The following MACROD2 variants were observed in gnomAD, a reference collection of about 807,000 sequenced individuals.
MACROD2 encodes the protein mono-ADP ribosylhydrolase 2, also known as ADP-ribose glycohydrolase MACROD2.
MACROD2 carries 36 observed loss-of-function variants against 70.4 expected under a neutral mutation model. The observed-to-expected ratio is 0.51, with a 90% confidence interval of 0.39 to 0.68. The LOEUF (loss-of-function observed/expected upper bound fraction) is 0.68. MACROD2 is among the 30% of genes least tolerant of loss of function. The probability of loss-of-function intolerance (pLI) is 0.00; values close to 1 mark genes in which losing one functional copy is unlikely to be tolerated. For synonymous variants in MACROD2, 172 were observed against 178.8 expected (o/e 0.96, Z 0.30); for missense variants, 496 against 538.4 (o/e 0.92, Z 0.78).
intron 5 of MACROD2, among the ~76,000 whole-genome samples, chr20:14,739,393 T>C (rs1472341755): frequency 6.6e-6 from 1 of 151,970 alleles, no homozygotes; most frequent in Non-Finnish European, 1.5e-5. Context: ...TTCACCTATA[T>C]ACTGAAAGGT....
chr20:15,938,781 GC>G (rs1162975434), intron 12 of MACROD2, among the ~76,000 whole-genome samples: 1 of 152,164 alleles, frequency 6.6e-6, no homozygotes, highest in Non-Finnish European at 1.5e-5. Flanking sequence ...TCTGAGATAG[GC>G]TGAAATCTAG....
chr20:15,723,487 T>G (rs2050818031), intron 8 of MACROD2, among the ~76,000 whole-genome samples: 1 of 152,210 alleles, frequency 6.6e-6, no homozygotes, highest in Non-Finnish European at 1.5e-5. Context: ...ATCTTTATAC[T>G]GTCCCCATAG....
chr20:14,259,815 T>C (rs1213724625), intron 3 of MACROD2, among the ~76,000 whole-genome samples: 7 of 152,196 alleles, frequency 4.6e-5, no homozygotes, highest in Non-Finnish European at 1.0e-4. Flanking sequence ...TGTAGAGAAG[T>C]AGTAGCCTCT....
intron 3 of MACROD2, among the ~76,000 whole-genome samples, chr20:14,209,972 G>A (rs2081557291): frequency 6.6e-6 from 1 of 152,004 alleles, no homozygotes; most frequent in Non-Finnish European, 1.5e-5. Context: ...CAAGTTTACT[G>A]TATTTTGAAA....
chr20:14,653,587 C>T (rs1201537137), intron 4 of MACROD2, among the ~76,000 whole-genome samples: 1 of 151,438 alleles, frequency 6.6e-6, no homozygotes, highest in Non-Finnish European at 1.5e-5. Flanking sequence ...CACTCCTTGC[C>T]TCAAGTGATT....
Position 15,610,414 on chromosome 20 carries a change from G to A in MACROD2, c.645+110567G>A, listed in dbSNP as rs1407089801. Among the ~76,000 whole-genome samples the A allele has an allele frequency of 5.3e-5, 8 of 152,110 alleles. No individual in the cohort carries two copies. In the East Asian group the frequency reaches 7.7e-4, roughly 15 times the overall value. ...TCTCTTCTAGCTTCTGATGGCCGTC[G>A]GCAACCCTAGGTGTTCCTGGACTTG... is the stretch of plus-strand genomic sequence containing the variant. On this transcript the variant is annotated intron_variant, in intron 8 of 17. Transcript: ENST00000684519.
intron 5 of MACROD2, among the ~76,000 whole-genome samples, chr20:14,993,128 T>C (rs1449617859): frequency 1.3e-5 from 2 of 152,122 alleles, no homozygotes; most frequent in Non-Finnish European, 2.9e-5. Context: ...TAATTGAAGG[T>C]AATTTTTTGG....
chr20:14,079,536 A>G (rs2053961850), intron 2 of MACROD2, among the ~76,000 whole-genome samples: 1 of 152,176 alleles, frequency 6.6e-6, no homozygotes, highest in Non-Finnish European at 1.5e-5. Flanking sequence ...TGCTTTTGTA[A>G]AAAGAGATGA....
chr20:14,419,724 A>C (rs1328925337), intron 3 of MACROD2, among the ~76,000 whole-genome samples: 1 of 152,220 alleles, frequency 6.6e-6, no homozygotes, highest in East Asian at 1.9e-4. Context: ...CAGGATCTAA[A>C]GATGATCTTG....
At chr20:14,758,707 TG>T (rs2071975146) in intron 5 of MACROD2, among the ~76,000 whole-genome samples, 2 of 152,144 alleles carry the variant, frequency 1.3e-5, no homozygotes, top group African/African-American at 4.8e-5. Context: ...TGAGTCTCAC[TG>T]TGGATCCTAT....
chr20:14,922,230 G>A (rs944340178), intron 5 of MACROD2, among the ~76,000 whole-genome samples: 2 of 152,046 alleles, frequency 1.3e-5, no homozygotes, highest in Non-Finnish European at 2.9e-5. Flanking sequence ...CATAGTCTAG[G>A]TCTATTTGCT....
intron 5 of MACROD2, among the ~76,000 whole-genome samples, chr20:14,753,966 GT>G (rs2071908434): frequency 6.6e-6 from 1 of 152,140 alleles, no homozygotes; most frequent in Non-Finnish European, 1.5e-5. Flanking sequence ...ATAGATGAGT[GT>G]TCAGTCTCTG....
chr20:15,016,387 A>G (rs905305403), intron 5 of MACROD2, among the ~76,000 whole-genome samples: 6 of 152,102 alleles, frequency 3.9e-5, no homozygotes, highest in Admixed American at 6.6e-5. Flanking sequence ...CTGAGCTGCT[A>G]CAGTCGATCC....
At chr20:14,862,688 T>A (rs80331986) in intron 5 of MACROD2, among the ~76,000 whole-genome samples, 38 of 72,544 alleles carry the variant, frequency 5.2e-4, no homozygotes, top group Non-Finnish European at 6.7e-4. Context: ...AATATATATA[T>A]AAATATATAT....
chr20:14,960,745 G>A (rs1463605033), intron 5 of MACROD2, among the ~76,000 whole-genome samples: 1 of 152,108 alleles, frequency 6.6e-6, no homozygotes, highest in African/African-American at 2.4e-5. Flanking sequence ...ATATAGAAAA[G>A]CATCTTATAC....
intron 7 of MACROD2, among the ~76,000 whole-genome samples, chr20:15,498,731 G>C (rs1367496737): frequency 6.6e-6 from 1 of 152,136 alleles, no homozygotes; most frequent in Non-Finnish European, 1.5e-5. Flanking sequence ...AAATATTCTG[G>C]AATTAGTGAT....
chr20:14,959,132 G>T (rs2074561809), intron 5 of MACROD2, among the ~76,000 whole-genome samples: 1 of 151,960 alleles, frequency 6.6e-6, no homozygotes, highest in Non-Finnish European at 1.5e-5. Context: ...TGTTGTTGTT[G>T]GTTTGTTTGT....
intron 8 of MACROD2, among the ~76,000 whole-genome samples, chr20:15,773,984 G>C (rs1313088857): frequency 6.6e-6 from 1 of 152,098 alleles, no homozygotes. Context: ...AAGCAATATT[G>C]ATATACATTT....
At chr20:14,677,424 G>C (rs1433317824) in intron 4 of MACROD2, among the ~76,000 whole-genome samples, 1 of 152,174 alleles carries the variant, frequency 6.6e-6, no homozygotes, top group Non-Finnish European at 1.5e-5. Context: ...AGCTAACCAA[G>C]ATAGCCTAAT....
Sources: gnomAD v4.1 joint callset for allele counts (sites outside exome capture counted in the v4.1 genomes callset) on GRCh38, gnomAD v4.1.1 for gene constraint, MANE v1.5 for transcripts, NCBI Gene and HGNC (gene_info 2026-07-23, HGNC 2026-07-21) for gene names.